PTPRG: variants seen among roughly 807,000 people sequenced by gnomAD.
PTPRG encodes receptor-type tyrosine-protein phosphatase gamma.
Under a neutral mutation model 165.3 loss-of-function variants are expected in PTPRG, and 102 were observed. That is an observed-to-expected ratio of 0.62 (90% CI 0.53 to 0.73). PTPRG has a LOEUF of 0.73. Among genes scored for constraint, PTPRG ranks in the 30% least tolerant of loss-of-function variants. The pLI is 0.00. For missense variants in PTPRG, 1,866 were observed against 1,861.4 expected (o/e 1.00, Z -0.05); for synonymous variants, 675 against 669.5 (o/e 1.01, Z -0.13).
intron 2 of PTPRG, among the ~76,000 whole-genome samples, chr3:61,917,564 C>G (rs753102630): frequency 5.3e-5 from 8 of 152,172 alleles, no homozygotes; most frequent in Middle Eastern, 3.2e-3. Flanking sequence ...GAGAGCTAGA[C>G]AAACATGTCT....
intron 1 of PTPRG, among the ~76,000 whole-genome samples, chr3:61,734,895 A>G (rs1294262044): frequency 2.0e-5 from 3 of 152,202 alleles, no homozygotes; most frequent in African/African-American, 2.4e-5. Context: ...GAAACTTTCA[A>G]TTTTGAATGT....
intron 1 of PTPRG, among the ~76,000 whole-genome samples, chr3:61,709,916 C>G (rs1435838748): frequency 4.6e-5 from 7 of 152,116 alleles, no homozygotes; most frequent in Non-Finnish European, 8.8e-5. Context: ...GCCTTATTCC[C>G]AAGGTCTGGG....
intron 1 of PTPRG, among the ~76,000 whole-genome samples, chr3:61,663,522 A>G (rs557797231): frequency 6.6e-6 from 1 of 152,244 alleles, no homozygotes; most frequent in East Asian, 1.9e-4. Flanking sequence ...ATCAGGGACC[A>G]GTTTTGTGGA....
At chr3:61,608,743 C>T (rs1049523563) in intron 1 of PTPRG, among the ~76,000 whole-genome samples, 1 of 152,160 alleles carries the variant, frequency 6.6e-6, no homozygotes, top group Non-Finnish European at 1.5e-5. Flanking sequence ...AGGAGAGGGA[C>T]CTCAGTCCAT....
intron 1 of PTPRG, among the ~76,000 whole-genome samples, chr3:61,655,492 A>T (rs1371489835): frequency 2.0e-5 from 3 of 152,204 alleles, no homozygotes; most frequent in Non-Finnish European, 4.4e-5. Flanking sequence ...TAATTGACAC[A>T]TCTCAGTCAA....
In PTPRG at chr3:62,000,730, GTA is replaced by G. The variant is rs546345259; in HGVS notation, c.371-2616_371-2615del. On this transcript the variant is annotated intron_variant, in intron 3 of 29. Coordinates refer to ENST00000474889, the MANE Select transcript of PTPRG (RefSeq NM_002841.4). ...TTGTGTGAGAAAGTGTTGCTTTAAA[GTA>G]TAACTTTCTCTGAAAACAGAGAGTT... Among the ~76,000 whole-genome samples, 632 of 152,280 alleles carry G rather than the reference GTA, an allele frequency of 4.2e-3. 2 individuals carry two copies. Among genetic ancestry groups the G allele is most frequent in the African/African-American group, 0.015 (607 of 41,550 alleles).
intron 4 of PTPRG, among the ~76,000 whole-genome samples, chr3:62,075,786 G>C (rs979480792): frequency 8.5e-5 from 13 of 152,108 alleles, no homozygotes; most frequent in African/African-American, 2.9e-4. Context: ...TCTCTCTGGG[G>C]TGTGGTTGTT....
At chr3:62,030,031 T>C (rs1699711621) in intron 4 of PTPRG, among the ~76,000 whole-genome samples, 1 of 152,208 alleles carries the variant, frequency 6.6e-6, no homozygotes. Context: ...AATAAATATA[T>C]TGTTTGCAAT....
At chr3:61,845,471 G>C (rs529571889) in intron 2 of PTPRG, among the ~76,000 whole-genome samples, 3 of 152,136 alleles carry the variant, frequency 2.0e-5, no homozygotes, top group Admixed American at 6.5e-5. Context: ...CTATTATCCC[G>C]GGACTTGAAA....
intron 4 of PTPRG, among the ~76,000 whole-genome samples, chr3:62,022,702 G>A (rs773473451): frequency 3.9e-5 from 6 of 152,172 alleles, no homozygotes; most frequent in Non-Finnish European, 7.4e-5. Flanking sequence ...AAATCGATTT[G>A]TTAAGAGCTG....
In PTPRG at chr3:62,250,273, G is replaced by C. The variant is rs931759536; in HGVS notation, c.2468-4851G>C. Among the ~76,000 whole-genome samples, 78 of 152,158 alleles carry C rather than the reference G, an allele frequency of 5.1e-4. 1 individual carries two copies. The highest frequency in any genetic ancestry group is 1.8e-4 in the Non-Finnish European group (12 of 68,038). On this transcript the variant is annotated intron_variant, in intron 15 of 29. Transcript: ENST00000474889. The stretch of plus-strand genomic sequence containing the variant: ...CAGAGAAGTGGAGTCACGCAGTCTG[G>C]CTCTGGCTTTTCCACTTATACCGCT...
intron 2 of PTPRG, among the ~76,000 whole-genome samples, chr3:61,944,938 C>A (rs1246462272): frequency 6.6e-6 from 1 of 152,178 alleles, no homozygotes; most frequent in East Asian, 1.9e-4. Flanking sequence ...AAGGTGCTCC[C>A]TGCTGTCTGT....
intron 14 of PTPRG, among the ~76,000 whole-genome samples, chr3:62,231,581 G>T (rs969970874): frequency 2.0e-5 from 3 of 152,044 alleles, no homozygotes; most frequent in Non-Finnish European, 4.4e-5. Context: ...TGTATGTACT[G>T]GGGGTGCTCT....
At chr3:62,003,322 T>TCCTCTCTTCTCATTTGTTTC in intron 3 of PTPRG, 27 bp from the exon 4 acceptor site, 1 of 1,591,332 alleles carries the variant, frequency 6.3e-7, no homozygotes, top group Admixed American at 1.8e-5. Flanking sequence ...CACTTTGTTT[T>TCCTCTCTTCTCATTTGTTTC]CCTCTCTTCT....
chr3:62,294,829 C>G lies in PTPRG; in HGVS notation c.*1522C>G, dbSNP rs914065933. On this transcript the variant is annotated 3_prime_UTR_variant, in exon 30 of 30. Transcript: ENST00000474889. Reference sequence around the variant, plus strand: ...TACTTTTTATGTCAATTAACTTCAACAAAAAGGCCACGCTGGCTGCTGTCA... The same window carrying G: ...TACTTTTTATGTCAATTAACTTCAAGAAAAAGGCCACGCTGGCTGCTGTCA... 1 of 152,044 alleles carries G rather than the reference C, an allele frequency of 6.6e-6. No homozygotes were observed. The highest frequency in any genetic ancestry group is 1.5e-5 in the Non-Finnish European group (1 of 68,002). 9.4% of individuals were successfully genotyped at this position (152,044 alleles called of 1,614,324 possible).
At chr3:61,681,075 A>AG (rs1553648897) in intron 1 of PTPRG, among the ~76,000 whole-genome samples, 109 of 150,292 alleles carry the variant, frequency 7.3e-4, no homozygotes, top group Admixed American at 1.7e-3. Flanking sequence ...AAAAAAAAAA[A>AG]AAGAAGAAGA....
chr3:61,788,821 A>C (rs747836059), intron 2 of PTPRG, among the ~76,000 whole-genome samples: 1 of 152,226 alleles, frequency 6.6e-6, no homozygotes, highest in African/African-American at 2.4e-5. Context: ...TTGAGTACCA[A>C]TAAAACTTTA....
chr3:61,954,636 A>AG (rs1559711226), intron 2 of PTPRG, among the ~76,000 whole-genome samples: 1 of 152,190 alleles, frequency 6.6e-6, no homozygotes, highest in African/African-American at 2.4e-5. Flanking sequence ...AAGCGAAGCC[A>AG]GGGGGAGAAT....
chr3:61,667,508 T>TA (rs1327327290), intron 1 of PTPRG, among the ~76,000 whole-genome samples: 1 of 152,206 alleles, frequency 6.6e-6, no homozygotes, highest in Non-Finnish European at 1.5e-5. Flanking sequence ...GCTACGACTC[T>TA]AAGCACTTTT....
Sources: allele counts gnomAD v4.1 joint callset (sites outside exome capture counted in the v4.1 genomes callset), GRCh38; gene constraint gnomAD v4.1.1; transcripts MANE v1.5; gene names NCBI Gene and HGNC (gene_info 2026-07-23, HGNC 2026-07-21).